The following TRPM3 variants were observed in gnomAD, a reference collection of about 807,000 sequenced individuals.
TRPM3 encodes transient receptor potential cation channel subfamily M member 3, also known as long transient receptor potential channel 3.
A neutral mutation model predicts 181.2 loss-of-function variants in TRPM3; 77 were observed. The observed-to-expected ratio is 0.42, with a 90% CI of 0.35 to 0.51. The LOEUF is 0.51. TRPM3 is among the 20% of genes least tolerant of loss of function. The probability of loss-of-function intolerance (pLI) is 0.01; values close to 1 mark genes in which losing one functional copy is unlikely to be tolerated. For missense variants in TRPM3, 1,759 were observed against 2,196.7 expected, an observed-to-expected ratio of 0.80 and a Z score of 3.98; for synonymous variants, 745 against 796.4, an observed-to-expected ratio of 0.94 and a Z score of 1.09.
At chr9:70,608,631 T>C (rs1344275877) in intron 19 of TRPM3, among the ~76,000 whole-genome samples, 1 of 152,124 alleles carries the variant, frequency 6.6e-6, no homozygotes, top group Admixed American at 6.6e-5. Context: ...AGGCCAGCAG[T>C]TCAAGACCAG....
chr9:71,116,219 G>T (rs1000300842), intron 1 of TRPM3, among the ~76,000 whole-genome samples: 1 of 152,136 alleles, frequency 6.6e-6, no homozygotes, highest in African/African-American at 2.4e-5. Context: ...CATAATAGGT[G>T]TGCATTTCCT....
intron 1 of TRPM3, among the ~76,000 whole-genome samples, chr9:71,312,046 A>C (rs1388309794): frequency 1.3e-5 from 2 of 152,182 alleles, no homozygotes; most frequent in Non-Finnish European, 2.9e-5. Context: ...AGCACTATCC[A>C]TGACAGAAGT....
At chr9:71,212,548 G>C (rs1233336274) in intron 1 of TRPM3, among the ~76,000 whole-genome samples, 1 of 152,118 alleles carries the variant, frequency 6.6e-6, no homozygotes, top group African/African-American at 2.4e-5. Context: ...TGTGCACCAT[G>C]GATCAAGAAC....
intron 7 of TRPM3, among the ~76,000 whole-genome samples, chr9:70,762,932 G>A (rs1450614698): frequency 6.6e-6 from 1 of 152,120 alleles, no homozygotes; most frequent in Admixed American, 6.5e-5. Flanking sequence ...TGAGCAGGCA[G>A]TTGTGGAGTT....
chr9:71,065,043 T>C (rs1311751181), intron 1 of TRPM3, among the ~76,000 whole-genome samples: 1 of 152,182 alleles, frequency 6.6e-6, no homozygotes, highest in South Asian at 2.1e-4. Flanking sequence ...GAGTTGATTA[T>C]TTATAACACA....
In TRPM3 at chr9:71,106,089, A is replaced by G. The variant is rs534945739; in HGVS notation, c.177+15089T>C. 3.9e-5 allele frequency among the ~76,000 whole-genome samples: 6 copies of G among 152,262 alleles called. 1 individual carries two copies. Among genetic ancestry groups the G allele is most frequent in the Non-Finnish European group, 5.9e-5 (4 of 68,008 alleles). On this transcript the variant is annotated intron_variant, in intron 1 of 25. Transcript: ENST00000677713. The stretch of plus-strand genomic sequence containing the variant: ...TAGGATACCTGTTAGCAGCTTTTAC[A>G]GGATGGTGGAGGATGACTATACTAG...
At chr9:71,422,380 A>G (rs1021889312) in intron 1 of TRPM3, among the ~76,000 whole-genome samples, 1 of 152,066 alleles carries the variant, frequency 6.6e-6, no homozygotes, top group Non-Finnish European at 1.5e-5. Context: ...GTCATTTAGG[A>G]CAATAGTTTT....
chr9:71,045,465 C>T (rs1179973656), intron 1 of TRPM3, among the ~76,000 whole-genome samples: 1 of 152,208 alleles, frequency 6.6e-6, no homozygotes, highest in East Asian at 1.9e-4. Context: ...TCTAAGTTTT[C>T]TTTCTCACAT....
intron 9 of TRPM3, among the ~76,000 whole-genome samples, chr9:70,670,633 G>T (rs947249066): frequency 1.3e-5 from 2 of 152,112 alleles, no homozygotes; most frequent in South Asian, 2.1e-4. Flanking sequence ...TCAAATTTAT[G>T]AGTCCTTTCA....
chr9:70,756,181 G>C (rs1318232043), intron 8 of TRPM3, among the ~76,000 whole-genome samples: 1 of 151,532 alleles, frequency 6.6e-6, no homozygotes. Context: ...CAAAAAAGCA[G>C]GGTTTATAAT....
At chr9:70,843,923 T>A (rs1363310932) in intron 4 of TRPM3, among the ~76,000 whole-genome samples, 1 of 152,148 alleles carries the variant, frequency 6.6e-6, no homozygotes, top group Non-Finnish European at 1.5e-5. Context: ...TCCACCCACT[T>A]CTCCAGGAAA....
intron 1 of TRPM3, among the ~76,000 whole-genome samples, chr9:71,171,110 C>T (rs1343660137): frequency 1.3e-5 from 2 of 152,124 alleles, no homozygotes; most frequent in African/African-American, 4.8e-5. Flanking sequence ...CGCTCCCAGG[C>T]TTATTAGGAA....
At chr9:70,614,315 TA>T (rs11324706) in intron 18 of TRPM3, among the ~76,000 whole-genome samples, 109,223 of 126,672 alleles carry the variant, frequency 0.86, 48,020 homozygotes, top group East Asian at 0.99. Flanking sequence ...GGCAATCTCT[TA>T]AAAAAAAAAA....
At chr9:70,689,521 TA>T (rs11394146) in intron 8 of TRPM3, among the ~76,000 whole-genome samples, 3 of 147,532 alleles carry the variant, frequency 2.0e-5, no homozygotes, top group Non-Finnish European at 3.0e-5. Flanking sequence ...TAAATTACTT[TA>T]AAAAAAAAAC....
At chr9:71,375,790 A>G (rs1215739917) in intron 1 of TRPM3, among the ~76,000 whole-genome samples, 1 of 152,190 alleles carries the variant, frequency 6.6e-6, no homozygotes, top group Non-Finnish European at 1.5e-5. Context: ...TCCACCAGTA[A>G]AAAGATTACA....
At chr9:71,036,761 G>A (rs193100585) in intron 1 of TRPM3, among the ~76,000 whole-genome samples, 1 of 152,306 alleles carries the variant, frequency 6.6e-6, no homozygotes, top group African/African-American at 2.4e-5. Flanking sequence ...ACAGAGTTGT[G>A]CAAAACGACA....
In TRPM3 at chr9:70,537,409, C is replaced by A. The variant is rs142578003; in HGVS notation, c.3708-4G>T. ...CCGCATAGACATGTTCTCCACCCTG[C>A]GCGAGGAAGAGAGAATGAGAGTCAC... On this transcript the variant is annotated splice_region_variant and splice_polypyrimidine_tract_variant and intron_variant, in intron 25 of 25. Coordinates refer to ENST00000677713, the MANE Select transcript of TRPM3 (RefSeq NM_001366145.2). 3.5e-6 allele frequency: 5 copies of A among 1,440,950 alleles called. No individual in the cohort carries two copies. The highest frequency in any genetic ancestry group is 1.7e-5 in the South Asian group (1 of 59,644). 89.3% of individuals were successfully genotyped at this position (1,440,950 alleles called of 1,614,324 possible).
At chr9:71,310,597 C>T (rs1048449445) in intron 1 of TRPM3, among the ~76,000 whole-genome samples, 1 of 152,084 alleles carries the variant, frequency 6.6e-6, no homozygotes, top group African/African-American at 2.4e-5. Flanking sequence ...GCCACCAGAG[C>T]ACATCTTCTC....
At chr9:70,693,826 C>T (rs2069330960) in intron 8 of TRPM3, among the ~76,000 whole-genome samples, 1 of 152,166 alleles carries the variant, frequency 6.6e-6, no homozygotes, top group African/African-American at 2.4e-5. Context: ...GTGGGGCAAC[C>T]CTGAATCAGA....
Sources: allele counts gnomAD v4.1 joint callset (sites outside exome capture counted in the v4.1 genomes callset), GRCh38; gene constraint gnomAD v4.1.1; transcripts MANE v1.5; gene names NCBI Gene and HGNC (gene_info 2026-07-23, HGNC 2026-07-21).